The following PHACTR3 variants were observed in gnomAD, a reference collection of about 807,000 sequenced individuals.
PHACTR3 encodes the protein protein phosphatase 1, regulatory subunit 123.
PHACTR3 carries 16 observed loss-of-function variants against 66.8 expected under a neutral mutation model. The ratio of observed to expected loss-of-function variants is 0.24; its 90% CI spans 0.16 to 0.36. The LOEUF (loss-of-function observed/expected upper bound fraction) is 0.36. PHACTR3 is among the 10% of genes least tolerant of loss of function. The pLI is 1.00. For synonymous variants in PHACTR3, 323 were observed against 292.1 expected (o/e 1.11, Z -1.08); for missense variants, 647 against 719.9 (o/e 0.90, Z 1.16).
rs559274021 is a variant in PHACTR3 at position 59,720,915 on chromosome 20, G to A, written c.119-22192G>A. On this transcript the variant is annotated intron_variant, in intron 1 of 12. Coordinates refer to ENST00000371015, the MANE Select transcript of PHACTR3 (RefSeq NM_080672.5). Reference sequence around the variant, plus strand: ...TTGAAAATCGAGTGATTTTCACCCAGGATTTCTGTAGTGGGTGTCAGGCAC... The same window carrying A: ...TTGAAAATCGAGTGATTTTCACCCAAGATTTCTGTAGTGGGTGTCAGGCAC... 9.9e-5 allele frequency among the ~76,000 whole-genome samples: 15 copies of A among 152,278 alleles called. No homozygotes were observed. In the South Asian group the frequency reaches 2.7e-3, roughly 27 times the overall value.
chr20:59,634,443 T>A (rs1312696231), intron 1 of PHACTR3, among the ~76,000 whole-genome samples: 1 of 152,038 alleles, frequency 6.6e-6, no homozygotes, highest in East Asian at 1.9e-4. Context: ...GAGTAACAGG[T>A]TAGGAGTGTT....
intron 1 of PHACTR3, among the ~76,000 whole-genome samples, chr20:59,587,155 G>A (rs905896413): frequency 1.3e-5 from 2 of 152,234 alleles, no homozygotes. Context: ...GTGGGACCCC[G>A]TGTGCCCTAC....
At chr20:59,782,834 A>T (rs1450611817) in intron 7 of PHACTR3, among the ~76,000 whole-genome samples, 2 of 152,160 alleles carry the variant, frequency 1.3e-5, no homozygotes, top group African/African-American at 4.8e-5. Flanking sequence ...TCAAAATCCT[A>T]AGACAAATGT....
intron 1 of PHACTR3, among the ~76,000 whole-genome samples, chr20:59,669,111 T>C (rs971638010): frequency 2.6e-5 from 4 of 152,078 alleles, no homozygotes; most frequent in Admixed American, 6.6e-5. Flanking sequence ...ATTTGCATGC[T>C]GTGTGACTTC....
chr20:59,590,723 G>A (rs952314628), intron 1 of PHACTR3, among the ~76,000 whole-genome samples: 8 of 152,124 alleles, frequency 5.3e-5, no homozygotes, highest in African/African-American at 1.9e-4. Context: ...GAAATTTATT[G>A]CTCACTGTTC....
chr20:59,639,895 C>T (rs1223359340), intron 1 of PHACTR3, among the ~76,000 whole-genome samples: 2 of 152,198 alleles, frequency 1.3e-5, no homozygotes, highest in African/African-American at 4.8e-5. Context: ...TCCATGTTCT[C>T]CGTGATAATG....
intron 1 of PHACTR3, among the ~76,000 whole-genome samples, chr20:59,674,373 T>TGTTCCTTCCCCTTCTCCC (rs2036305151): frequency 1.4e-5 from 2 of 142,194 alleles, no homozygotes; most frequent in Admixed American, 7.1e-5. Context: ...CCCCTTCTCC[T>TGTTCCTTCCCCTTCTCCC]GTTCCTTCCC....
intron 1 of PHACTR3, among the ~76,000 whole-genome samples, chr20:59,723,903 G>T (rs566651222): frequency 3.9e-5 from 6 of 152,176 alleles, no homozygotes; most frequent in African/African-American, 1.4e-4. Flanking sequence ...TAGAATCACT[G>T]TATGGTGACT....
At chr20:59,753,963 G>A (rs2039690753) in intron 3 of PHACTR3, among the ~76,000 whole-genome samples, 1 of 152,222 alleles carries the variant, frequency 6.6e-6, no homozygotes, top group African/African-American at 2.4e-5. Flanking sequence ...AAGGAGGTCA[G>A]CGTAGGCTAG....
chr20:59,633,648 G>T (rs976535811), intron 1 of PHACTR3, among the ~76,000 whole-genome samples: 2 of 152,174 alleles, frequency 1.3e-5, no homozygotes, highest in Non-Finnish European at 2.9e-5. Context: ...AGAAATAAAA[G>T]AAAATAGAAG....
intron 1 of PHACTR3, among the ~76,000 whole-genome samples, chr20:59,679,529 G>A (rs551324682): frequency 1.3e-5 from 2 of 152,148 alleles, no homozygotes; most frequent in South Asian, 4.2e-4. Flanking sequence ...GTGCTTAATA[G>A]TAAATCAAGG....
chr20:59,686,557 GTGA>G (rs1355730261), intron 1 of PHACTR3, among the ~76,000 whole-genome samples: 5 of 151,518 alleles, frequency 3.3e-5, no homozygotes, highest in East Asian at 1.9e-4. Flanking sequence ...GATGATGATG[GTGA>G]TGATGATGGT....
At chr20:59,625,502 T>A (rs2034415038) in intron 1 of PHACTR3, among the ~76,000 whole-genome samples, 1 of 152,162 alleles carries the variant, frequency 6.6e-6, no homozygotes, top group African/African-American at 2.4e-5. Context: ...CATGGCCCTC[T>A]CCCAAAGCTG....
At position 59,830,512 on chromosome 20, in the gene PHACTR3, G is replaced by A. The variant is rs567190407; in HGVS notation, c.1329-5993G>A. The stretch of plus-strand genomic sequence containing the variant: ...ATGTTGAAAGAGGGTGTGAGCATCC[G>A]TCTGATGGAGGAGGCTGTGAGTGTC... On this transcript the variant is annotated intron_variant, in intron 8 of 12. Coordinates refer to ENST00000371015, the MANE Select transcript of PHACTR3 (RefSeq NM_080672.5). This position sits in a 1 kb window ranked among gnomAD's most constrained non-coding sequence, Gnocchi z 5.8. 5.3e-5 allele frequency among the ~76,000 whole-genome samples: 8 copies of A among 152,114 alleles called. No homozygotes were observed. Among genetic ancestry groups the A allele is most frequent in the South Asian group, 2.1e-4 (1 of 4,828 alleles).
chr20:59,602,211 T>C (rs946233445), upstream of PHACTR3, among the ~76,000 whole-genome samples: 3 of 152,042 alleles, frequency 2.0e-5, no homozygotes, highest in Non-Finnish European at 4.4e-5. Context: ...AGTGCCGTGG[T>C]CCCCCCCACC....
Position 59,738,783 on chromosome 20 carries a change from G to T in PHACTR3, c.119-4324G>T, listed in dbSNP as rs2039043288. 2.0e-5 allele frequency among the ~76,000 whole-genome samples: 3 copies of T among 152,150 alleles called. No homozygotes were observed. The South Asian group carries it at 6.2e-4, about 32-fold the overall frequency. On this transcript the variant is annotated intron_variant, in intron 1 of 12. Transcript: ENST00000371015. The surrounding 1 kb of genome is among the most constrained non-coding windows in gnomAD (Gnocchi z 4.4). ...TTGCTGCCGATCCTTTGTGAAGGAGGTGAGATATAAATAAAGCAATGATTA... is the reference window on the plus strand; with the variant it reads ...TTGCTGCCGATCCTTTGTGAAGGAGTTGAGATATAAATAAAGCAATGATTA...
At position 59,847,251 on chromosome 20, in the gene PHACTR3, A is replaced by T. The variant is rs1221472646; in HGVS notation, c.*121A>T. ...TACCTGCTGTGTTTGTGAGAAGAGT[A>T]GGATCACACACACAGGTGCAATCTT... On this transcript the variant is annotated 3_prime_UTR_variant, in exon 13 of 13. Coordinates refer to ENST00000371015, the MANE Select transcript of PHACTR3 (RefSeq NM_080672.5). The T allele has an allele frequency of 1.5e-6, 1 of 666,884 alleles. No individual in the cohort carries two copies. The highest frequency in any genetic ancestry group is 1.8e-5 in the African/African-American group (1 of 56,546). The allele number at this position is 666,884 out of a possible 1,614,324, so 41.3% of individuals were successfully genotyped here.
At chr20:59,833,200 C>G (rs2042435802) in intron 8 of PHACTR3, among the ~76,000 whole-genome samples, 1 of 152,188 alleles carries the variant, frequency 6.6e-6, no homozygotes, top group South Asian at 2.1e-4. Flanking sequence ...ATATTCTAGA[C>G]CATTCAGGGG....
At chr20:59,734,472 G>C (rs2146730873) in intron 1 of PHACTR3, among the ~76,000 whole-genome samples, 1 of 152,194 alleles carries the variant, frequency 6.6e-6, no homozygotes, top group East Asian at 1.9e-4. Flanking sequence ...TGCCCAGGCT[G>C]GGCTTGAACT....
Sources: allele counts gnomAD v4.1 joint callset (sites outside exome capture counted in the v4.1 genomes callset), GRCh38; gene constraint gnomAD v4.1.1; non-coding constraint Gnocchi (gnomAD v3.1); transcripts MANE v1.5; gene names NCBI Gene and HGNC (gene_info 2026-07-23, HGNC 2026-07-21).